The following SORCS3 variants were observed in gnomAD, a reference collection of about 807,000 sequenced individuals.
The protein encoded by SORCS3 is sortilin related VPS10 domain containing receptor 3, also known as VPS10 domain-containing receptor SorCS3.
In SORCS3, 57 loss-of-function variants were observed where a neutral mutation model predicts 146.3. That is an observed-to-expected ratio of 0.39 (90% CI 0.31 to 0.49). The LOEUF (loss-of-function observed/expected upper bound fraction) is 0.49, where lower values mean the gene tolerates loss of function less well. SORCS3 is among the 20% of genes least tolerant of loss of function. The probability of loss-of-function intolerance (pLI) is 0.92; values close to 1 mark genes in which losing one functional copy is unlikely to be tolerated. For synonymous variants in SORCS3, 653 were observed against 618.5 expected, an observed-to-expected ratio of 1.06 and a Z score of -0.83; for missense variants, 1,341 against 1,575.5, an observed-to-expected ratio of 0.85 and a Z score of 2.52.
intron 3 of SORCS3, among the ~76,000 whole-genome samples, chr10:104,972,046 G>T (rs2133643773): frequency 6.6e-6 from 1 of 152,220 alleles, no homozygotes. Context: ...TGGCTGGAGG[G>T]GCAGTTTACT....
At chr10:105,231,884 C>T (rs1485060525) in intron 20 of SORCS3, among the ~76,000 whole-genome samples, 1 of 152,140 alleles carries the variant, frequency 6.6e-6, no homozygotes, top group Non-Finnish European at 1.5e-5. Flanking sequence ...ATTTTTTATA[C>T]ATGATTGGAT....
At position 104,925,108 on chromosome 10, in the gene SORCS3, G is replaced by A. The variant is rs1308339893; in HGVS notation, c.795+9176G>A. Among the ~76,000 whole-genome samples the A allele has an allele frequency of 2.5e-4, 38 of 151,968 alleles. 1 individual carries two copies. Among genetic ancestry groups the A allele is most frequent in the Non-Finnish European group, 1.3e-4 (9 of 67,996 alleles). On this transcript the variant is annotated intron_variant, in intron 3 of 26. Transcript: ENST00000369701. Reference sequence around the variant, plus strand: ...CAGTGTGTGATGTTCCCCTCCCTGTGTTCATGTGTTCTCATTATTTAACTC... The same window carrying A: ...CAGTGTGTGATGTTCCCCTCCCTGTATTCATGTGTTCTCATTATTTAACTC...
chr10:104,861,183 C>A (rs1395738995), intron 2 of SORCS3, among the ~76,000 whole-genome samples: 1 of 152,138 alleles, frequency 6.6e-6, no homozygotes. Flanking sequence ...AGAAGCTTAC[C>A]TGTTCTGTAC....
At chr10:104,946,850 G>A (rs1421767839) in intron 3 of SORCS3, among the ~76,000 whole-genome samples, 2 of 152,132 alleles carry the variant, frequency 1.3e-5, no homozygotes, top group East Asian at 1.9e-4. Flanking sequence ...TTTCTTTAGT[G>A]GAATTTCTAA....
At chr10:104,750,918 G>A (rs1589484754) in intron 1 of SORCS3, among the ~76,000 whole-genome samples, 2 of 152,232 alleles carry the variant, frequency 1.3e-5, no homozygotes, top group Non-Finnish European at 2.9e-5. Context: ...ATGAGAATGG[G>A]GATAATTTCT....
intron 25 of SORCS3, among the ~76,000 whole-genome samples, chr10:105,260,374 G>A (rs1168865268): frequency 6.6e-6 from 1 of 152,190 alleles, no homozygotes; most frequent in Non-Finnish European, 1.5e-5. Flanking sequence ...TCAGTTATTA[G>A]ACTGTATTTT....
intron 1 of SORCS3, among the ~76,000 whole-genome samples, chr10:104,740,618 G>C (rs923073750): frequency 6.6e-6 from 1 of 152,310 alleles, no homozygotes. Flanking sequence ...AGGGATTCCA[G>C]CTTCAGGGTG....
intron 1 of SORCS3, among the ~76,000 whole-genome samples, chr10:104,675,956 C>A (rs1028521251): frequency 2.6e-5 from 4 of 152,160 alleles, no homozygotes; most frequent in Non-Finnish European, 4.4e-5. Flanking sequence ...GGAAGAGGAA[C>A]CTTTTTAAAT....
chr10:104,955,140 A>T (rs578121115), intron 3 of SORCS3, among the ~76,000 whole-genome samples: 1 of 151,582 alleles, frequency 6.6e-6, no homozygotes, highest in Non-Finnish European at 1.5e-5. Context: ...ATCACCCCCA[A>T]AAGAAGCCCT....
At chr10:105,134,294 T>C (rs931731024) in intron 7 of SORCS3, among the ~76,000 whole-genome samples, 9 of 152,124 alleles carry the variant, frequency 5.9e-5, no homozygotes, top group African/African-American at 2.2e-4. Flanking sequence ...AGTTCTGGAG[T>C]GTGGTAGATG....
At chr10:104,960,896 A>G (rs530815630) in intron 3 of SORCS3, among the ~76,000 whole-genome samples, 1 of 152,306 alleles carries the variant, frequency 6.6e-6, no homozygotes, top group East Asian at 1.9e-4. Flanking sequence ...AGATAATACA[A>G]TAAATAATAA....
chr10:105,133,144 C>G (rs2056033809), intron 7 of SORCS3, among the ~76,000 whole-genome samples: 1 of 152,126 alleles, frequency 6.6e-6, no homozygotes, highest in Admixed American at 6.5e-5. Flanking sequence ...AAAATAAATT[C>G]CTGCTTTTGT....
chr10:104,812,016 C>T (rs907191340), intron 1 of SORCS3, among the ~76,000 whole-genome samples: 1 of 151,832 alleles, frequency 6.6e-6, no homozygotes, highest in Non-Finnish European at 1.5e-5. Context: ...GAATTGACAA[C>T]CTAGAAAAAA....
At chr10:105,149,249 A>G (rs2056152302) in intron 9 of SORCS3, among the ~76,000 whole-genome samples, 1 of 152,178 alleles carries the variant, frequency 6.6e-6, no homozygotes, top group South Asian at 2.1e-4. Context: ...TCTGTTAGGC[A>G]GAGAGATGAT....
At chr10:105,135,261 A>G (rs1362682297) in intron 7 of SORCS3, among the ~76,000 whole-genome samples, 1 of 152,110 alleles carries the variant, frequency 6.6e-6, no homozygotes, top group Non-Finnish European at 1.5e-5. Context: ...CTGCACCAGA[A>G]TGTGGCGATC....
At chr10:104,891,493 A>T (rs2018748708) in intron 2 of SORCS3, among the ~76,000 whole-genome samples, 2 of 152,060 alleles carry the variant, frequency 1.3e-5, no homozygotes, top group South Asian at 4.2e-4. Context: ...GGCTTCACCT[A>T]AGTTACTTTT....
chr10:104,650,395 G>A (rs906578098), intron 1 of SORCS3, among the ~76,000 whole-genome samples: 2 of 152,208 alleles, frequency 1.3e-5, no homozygotes, highest in African/African-American at 2.4e-5. Flanking sequence ...TTGTGTAGGG[G>A]TTGTATGATG....
chr10:105,161,011 G>T (rs1464085725), intron 11 of SORCS3, among the ~76,000 whole-genome samples: 1 of 152,206 alleles, frequency 6.6e-6, no homozygotes, highest in African/African-American at 2.4e-5. Context: ...AGTATTAATG[G>T]TAGTTGTTAT....
At chr10:104,953,740 A>G (rs145774622) in intron 3 of SORCS3, among the ~76,000 whole-genome samples, 9 of 152,354 alleles carry the variant, frequency 5.9e-5, no homozygotes, top group Middle Eastern at 3.4e-3. Context: ...TACTGCATTT[A>G]GACGTATCTA....
Sources: allele counts gnomAD v4.1 joint callset (sites outside exome capture counted in the v4.1 genomes callset), GRCh38; gene constraint gnomAD v4.1.1; transcripts MANE v1.5; gene names NCBI Gene and HGNC (gene_info 2026-07-23, HGNC 2026-07-21).